Variants in HDAC4 observed in about 807,000 individuals in gnomAD.
The protein encoded by HDAC4 is histone deacetylase A.
In HDAC4, 16 loss-of-function variants were observed where a neutral mutation model predicts 135.1. The ratio of observed to expected loss-of-function variants is 0.12; its 90% CI spans 0.08 to 0.18. The LOEUF (loss-of-function observed/expected upper bound fraction) is 0.18, where lower values mean the gene tolerates loss of function less well. HDAC4 is among the 10% of genes least tolerant of loss of function. The pLI is 1.00. For missense variants in HDAC4, 1,143 were observed against 1,511.8 expected (o/e 0.76, Z 4.05); for synonymous variants, 685 against 653.4 (o/e 1.05, Z -0.74).
At chr2:239,384,248 G>A (rs1695628308) in intron 1 of HDAC4, among the ~76,000 whole-genome samples, 1 of 152,146 alleles carries the variant, frequency 6.6e-6, no homozygotes, top group Non-Finnish European at 1.5e-5. Flanking sequence ...AAAGATCCAT[G>A]ATCTCCCTAA....
At chr2:239,310,636 GC>G (rs1559354163) in intron 2 of HDAC4, among the ~76,000 whole-genome samples, 1 of 152,182 alleles carries the variant, frequency 6.6e-6, no homozygotes, top group Non-Finnish European at 1.5e-5. Flanking sequence ...TCCCCCCTCT[GC>G]CCCCCAGGGA....
At chr2:239,335,508 C>CAAAAAA (rs61007856) in intron 2 of HDAC4, among the ~76,000 whole-genome samples, 7 of 59,366 alleles carry the variant, frequency 1.2e-4, no homozygotes, top group East Asian at 1.1e-3. Flanking sequence ...ATCTGTTCAG[C>CAAAAAA]AAAAAAAAAA....
intron 2 of HDAC4, among the ~76,000 whole-genome samples, chr2:239,261,258 T>C (rs907468855): frequency 6.6e-6 from 1 of 152,090 alleles, no homozygotes; most frequent in Admixed American, 6.5e-5. Flanking sequence ...GAGGCCTAAA[T>C]GCACTTTAGG....
At chr2:239,125,402 G>A (rs1300257429) in intron 12 of HDAC4, among the ~76,000 whole-genome samples, 7 of 152,142 alleles carry the variant, frequency 4.6e-5, no homozygotes, top group Non-Finnish European at 1.0e-4. Flanking sequence ...CTCCCCAGAA[G>A]CAGAGGCCAA....
chr2:239,088,038 G>A (rs1178437261), intron 18 of HDAC4, among the ~76,000 whole-genome samples: 3 of 152,224 alleles, frequency 2.0e-5, no homozygotes, highest in African/African-American at 7.2e-5. Flanking sequence ...GGACTTGGCC[G>A]CGGGGCAGAG....
intron 2 of HDAC4, among the ~76,000 whole-genome samples, chr2:239,252,934 G>A (rs1204029567): frequency 6.6e-6 from 1 of 152,202 alleles, no homozygotes; most frequent in African/African-American, 2.4e-5. Context: ...CCTGCGCTTC[G>A]CCGGCCACCG....
chr2:239,068,445 A>G lies in HDAC4; in HGVS notation c.2869+44T>C. On this transcript the variant is annotated intron_variant, in intron 23 of 26. Transcript: ENST00000543185. This position sits in a 1 kb window ranked among gnomAD's most constrained non-coding sequence, Gnocchi z 4.4. Reference sequence around the variant, plus strand: ...ACACGCGGAACACAGCGGATCATGGACATGAGCAGAACCGGCTCCTCAGTC... The same window carrying G: ...ACACGCGGAACACAGCGGATCATGGGCATGAGCAGAACCGGCTCCTCAGTC... The G allele has an allele frequency of 7.4e-7, 1 of 1,354,596 alleles. No homozygotes were observed. The allele number at this position is 1,354,596 out of a possible 1,614,324, so 83.9% of individuals were successfully genotyped here. A position where few individuals can be genotyped will look rare whatever the true frequency, so the allele number is the denominator to read the frequency against.
chr2:239,259,009 A>C (rs561359499), intron 2 of HDAC4, among the ~76,000 whole-genome samples: 2 of 152,380 alleles, frequency 1.3e-5, no homozygotes, highest in East Asian at 1.9e-4. Flanking sequence ...CAGCCGAAGG[A>C]AGGCTGGCAT....
In HDAC4 at chr2:239,163,835, G is replaced by A. The variant is rs1009279760; in HGVS notation, c.579C>T (p.His193=). Residue 193 remains histidine (H), a synonymous_variant, in exon 6 of 27, where the codon CAC becomes CAT. Coordinates refer to ENST00000543185, the MANE Select transcript of HDAC4 (RefSeq NM_001378414.1). ...KKALAHRNLN[H]CISSDPRYWY... ...AGTAGCGAGGGTCGCTGGAAATGCA[G>A]TGGTTCAGATTCCGGTGGGCCAGCG... The A allele has an allele frequency of 5.0e-6, 8 of 1,614,102 alleles. No homozygotes were observed. In the East Asian group the frequency reaches 1.1e-4, roughly 22 times the overall value.
Position 239,083,271 on chromosome 2 carries a change from G to A in HDAC4, c.2532+884C>T, listed in dbSNP as rs898326758. Among the ~76,000 whole-genome samples the A allele has an allele frequency of 2.0e-5, 3 of 152,348 alleles. No homozygotes were observed. In the East Asian group the frequency reaches 5.8e-4, roughly 29 times the overall value. On this transcript the variant is annotated intron_variant, in intron 20 of 26. Coordinates refer to ENST00000543185, the MANE Select transcript of HDAC4 (RefSeq NM_001378414.1). ...GGGTCCCCAGTCTTTAGCCATCAGC[G>A]ACCTCACACTGCTCTCTTCCCAGGC...
chr2:239,266,781 C>T (rs532133174), intron 2 of HDAC4, among the ~76,000 whole-genome samples: 3 of 152,138 alleles, frequency 2.0e-5, no homozygotes, highest in African/African-American at 7.2e-5. Context: ...AGAGGCTCTT[C>T]CTTCACTTAG....
In HDAC4 at chr2:239,156,682, C is replaced by G. The variant is rs376999940; in HGVS notation, c.703G>C (p.Ala235Pro). Residue 235 changes from alanine to proline, a missense_variant, in exon 7 of 27, where the codon GCC (alanine) becomes CCC (proline). Physicochemically the swap from Ala to Pro is conservative, Grantham distance 27. Transcript: ENST00000543185. ...TTCCTAAGAGGGAAGTCATCTTTGG[C>G]GTCGTACATTCCCAGGACCGGGTGG... The part of the protein sequence containing the change: ...YNHPVLGMYD[A>P]KDDFPLRKTA... The G allele has an allele frequency of 6.2e-7, 1 of 1,614,128 alleles. No individual in the cohort carries two copies. The highest frequency in any genetic ancestry group is 8.5e-7 in the Non-Finnish European group (1 of 1,180,026).
intron 15 of HDAC4, among the ~76,000 whole-genome samples, chr2:239,103,409 T>G (rs1389480785): frequency 6.6e-6 from 1 of 152,246 alleles, no homozygotes; most frequent in African/African-American, 2.4e-5. Context: ...TCTCTGAGGT[T>G]TGGAAATTCT....
At chr2:239,259,627 A>G (rs2049236719) in intron 2 of HDAC4, among the ~76,000 whole-genome samples, 1 of 152,262 alleles carries the variant, frequency 6.6e-6, no homozygotes, top group Non-Finnish European at 1.5e-5. Context: ...AGGCTTAGAA[A>G]CAAACGGAAA....
rs778412561 is a variant in HDAC4 at position 239,081,181 on chromosome 2, C to A, written c.2664G>T (p.Gly888=). 2 of 1,613,172 alleles carry A rather than the reference C, an allele frequency of 1.2e-6. No individual in the cohort carries two copies. Among genetic ancestry groups the A allele is most frequent in the African/African-American group, 2.7e-5 (2 of 74,940 alleles). The part of the protein sequence containing the change: ...GSGAPDEVGT[G]PGVGFNVNMA... ...TGTTGACGTTGAAACCCACGCCGGG[C>A]CCTGTGCCCACCTGTGGCCAGAAGG... Residue 888 remains glycine, a synonymous_variant, in exon 22 of 27, where the codon GGG becomes GGT. Transcript: ENST00000543185.
At chr2:239,288,237 CTA>C (rs1200163585) in intron 2 of HDAC4, among the ~76,000 whole-genome samples, 3 of 152,146 alleles carry the variant, frequency 2.0e-5, no homozygotes, top group Non-Finnish European at 4.4e-5. Context: ...GAACAGAAAA[CTA>C]TACGATCATC....
chr2:239,193,506 G>A (rs1025194357), intron 3 of HDAC4, among the ~76,000 whole-genome samples: 3 of 152,044 alleles, frequency 2.0e-5, no homozygotes, highest in African/African-American at 7.2e-5. Context: ...GCAGGCCCAG[G>A]GGAAGGGCCC....
intron 6 of HDAC4, chr2:239,162,232 A>G: frequency 2.2e-6 from 1 of 456,644 alleles, no homozygotes; most frequent in Non-Finnish European, 4.4e-6. Flanking sequence ...CTGTCTTCTC[A>G]AAGCTCGCTT....
chr2:239,387,631 A>C (rs904746626), intron 1 of HDAC4, among the ~76,000 whole-genome samples: 1 of 152,144 alleles, frequency 6.6e-6, no homozygotes, highest in Non-Finnish European at 1.5e-5. Flanking sequence ...TTTATACCCA[A>C]AACAATTCAG....
Sources: gnomAD v4.1 joint callset for allele counts (sites outside exome capture counted in the v4.1 genomes callset) on GRCh38, gnomAD v4.1.1 for gene constraint, Gnocchi (gnomAD v3.1) non-coding constraint, MANE v1.5 for transcripts, NCBI Gene and HGNC (gene_info 2026-07-23, HGNC 2026-07-21) for gene names.